The following ADCY2 variants were observed in gnomAD, a reference collection of about 807,000 sequenced individuals.
The protein encoded by ADCY2 is adenylate cyclase type 2.
A neutral mutation model predicts 125.2 loss-of-function variants in ADCY2; 31 were observed. That is an observed-to-expected ratio of 0.25 (90% CI 0.19 to 0.33). The LOEUF is 0.33. ADCY2 is among the 10% of genes least tolerant of loss of function. The pLI, the probability that ADCY2 is intolerant of heterozygous loss-of-function variation, is 1.00. For synonymous variants in ADCY2, 512 were observed against 548.4 expected, an observed-to-expected ratio of 0.93 and a Z score of 0.93; for missense variants, 904 against 1,418.2, an observed-to-expected ratio of 0.64 and a Z score of 5.82.
chr5:7,587,263 G>T (rs1388705404), intron 3 of ADCY2, among the ~76,000 whole-genome samples: 1 of 152,094 alleles, frequency 6.6e-6, no homozygotes, highest in African/African-American at 2.4e-5. Context: ...TCCTTCCCGA[G>T]GTGGCGTCCC....
intron 3 of ADCY2, among the ~76,000 whole-genome samples, chr5:7,594,065 G>A (rs569062886): frequency 1.6e-4 from 24 of 152,262 alleles, no homozygotes; most frequent in African/African-American, 4.8e-4. Flanking sequence ...TGTTAAAGGC[G>A]CTGACTTTTG....
intron 24 of ADCY2, among the ~76,000 whole-genome samples, chr5:7,826,218 G>T (rs951209076): frequency 6.6e-6 from 1 of 152,170 alleles, no homozygotes; most frequent in Non-Finnish European, 1.5e-5. Flanking sequence ...CCTTCTCGGG[G>T]TGTTCCTCCC....
chr5:7,646,859 C>T (rs537632679), intron 4 of ADCY2, among the ~76,000 whole-genome samples: 3 of 152,216 alleles, frequency 2.0e-5, no homozygotes, highest in South Asian at 4.1e-4. Flanking sequence ...ACCGGGTTTT[C>T]GAGAAAAGCT....
At chr5:7,703,626 A>G (rs1031395274) in intron 7 of ADCY2, among the ~76,000 whole-genome samples, 3 of 152,152 alleles carry the variant, frequency 2.0e-5, no homozygotes, top group African/African-American at 7.2e-5. Flanking sequence ...TGGTTACTGT[A>G]GCCTTGTAGT....
At chr5:7,474,781 A>G (rs1418268254) in intron 2 of ADCY2, among the ~76,000 whole-genome samples, 1 of 152,256 alleles carries the variant, frequency 6.6e-6, no homozygotes, top group Non-Finnish European at 1.5e-5. Context: ...AAGAATTCAC[A>G]TATCAACTGG....
intron 2 of ADCY2, among the ~76,000 whole-genome samples, chr5:7,476,922 C>T: frequency 6.6e-6 from 1 of 152,088 alleles, no homozygotes; most frequent in East Asian, 1.9e-4. Flanking sequence ...CAGGAGTAGC[C>T]AAACTTTGGA....
At chr5:7,817,211 C>G (rs185487851) in intron 23 of ADCY2, among the ~76,000 whole-genome samples, 2 of 152,216 alleles carry the variant, frequency 1.3e-5, no homozygotes, top group African/African-American at 4.8e-5. Flanking sequence ...TCTACAAACA[C>G]GGCACGCACA....
Position 7,520,862 on chromosome 5 carries a change from C to T in ADCY2, c.533C>T (p.Ser178Phe). The change falls in exon 3 of 25, where the codon TCT becomes TTT. Residue 178 changes from serine to phenylalanine, a missense_variant. Transcript: ENST00000338316. ...SHTIVLSVCL[S>F]ATPGGKEHLV... Reference sequence around the variant, plus strand: ...ACCATCGTGCTTAGCGTCTGCCTGTCTGCAACACCGGGAGGCAAGGAGCAC... The same window carrying T: ...ACCATCGTGCTTAGCGTCTGCCTGTTTGCAACACCGGGAGGCAAGGAGCAC... 1.9e-6 allele frequency: 3 copies of T among 1,614,222 alleles called. No individual in the cohort carries two copies. Among genetic ancestry groups the T allele is most frequent in the Non-Finnish European group, 2.5e-6 (3 of 1,180,034 alleles).
At chr5:7,477,654 T>G (rs1742572805) in intron 2 of ADCY2, among the ~76,000 whole-genome samples, 1 of 152,194 alleles carries the variant, frequency 6.6e-6, no homozygotes, top group Non-Finnish European at 1.5e-5. Context: ...GAAGATTTGC[T>G]CTTATCCAGT....
chr5:7,432,742 A>G (rs1258621928), intron 2 of ADCY2, among the ~76,000 whole-genome samples: 1 of 152,248 alleles, frequency 6.6e-6, no homozygotes, highest in African/African-American at 2.4e-5. Flanking sequence ...TAAAAGTCAA[A>G]AGCTGATTGT....
intron 15 of ADCY2, among the ~76,000 whole-genome samples, chr5:7,748,597 A>G (rs1277103237): frequency 6.6e-6 from 1 of 151,544 alleles, no homozygotes; most frequent in Non-Finnish European, 1.5e-5. Flanking sequence ...AGGCTTCTTG[A>G]GGATGCAAAT....
chr5:7,695,974 A>T (rs1019842187), intron 6 of ADCY2, 111 bp downstream of exon 6: 12 of 649,966 alleles, frequency 1.8e-5, no homozygotes, highest in Non-Finnish European at 3.0e-5. Flanking sequence ...CTTTAGGAAC[A>T]TTGTTTGTAG....
chr5:7,441,630 T>C (rs1204054540), intron 2 of ADCY2, among the ~76,000 whole-genome samples: 1 of 152,180 alleles, frequency 6.6e-6, no homozygotes, highest in African/African-American at 2.4e-5. Context: ...CCCAAAATGC[T>C]TATATAACCA....
chr5:7,790,247 C>G (rs1403258568), intron 20 of ADCY2, among the ~76,000 whole-genome samples: 1 of 152,166 alleles, frequency 6.6e-6, no homozygotes, highest in Admixed American at 6.5e-5. Context: ...CACTCAGCTT[C>G]CCTGACAGCC....
chr5:7,455,743 A>G (rs1741645494), intron 2 of ADCY2, among the ~76,000 whole-genome samples: 1 of 147,216 alleles, frequency 6.8e-6, no homozygotes, highest in Non-Finnish European at 1.5e-5. Context: ...GATATACAGT[A>G]TGTGTTATAT....
chr5:7,601,183 A>G (rs1737188304), intron 3 of ADCY2, among the ~76,000 whole-genome samples: 1 of 152,186 alleles, frequency 6.6e-6, no homozygotes, highest in Admixed American at 6.5e-5. Flanking sequence ...GCCTTTGCCC[A>G]AGACTCAAGG....
intron 15 of ADCY2, among the ~76,000 whole-genome samples, chr5:7,755,318 C>T (rs1216833429): frequency 2.0e-5 from 3 of 152,100 alleles, no homozygotes; most frequent in Non-Finnish European, 4.4e-5. Flanking sequence ...AGAAGTGAAC[C>T]CGGAACCTGG....
chr5:7,561,525 G>T (rs1735707348), intron 3 of ADCY2, among the ~76,000 whole-genome samples: 1 of 143,106 alleles, frequency 7.0e-6, no homozygotes, highest in African/African-American at 3.0e-5. Flanking sequence ...GTCATTGATT[G>T]AAACTTTCTT....
intron 14 of ADCY2, among the ~76,000 whole-genome samples, chr5:7,741,715 A>C (rs1742425474): frequency 4.6e-5 from 6 of 129,884 alleles, no homozygotes; most frequent in South Asian, 2.6e-4. Context: ...CATCTCTATC[A>C]CCATCACTAT....
Sources: allele counts gnomAD v4.1 joint callset (sites outside exome capture counted in the v4.1 genomes callset), GRCh38; gene constraint gnomAD v4.1.1; transcripts MANE v1.5; gene names NCBI Gene and HGNC (gene_info 2026-07-23, HGNC 2026-07-21).